Variants in PPRC1 observed in about 807,000 individuals in gnomAD.
PPRC1 encodes the protein peroxisome proliferator-activated receptor gamma coactivator-related protein 1.
In PPRC1, 23 loss-of-function variants were observed where a neutral mutation model predicts 132.5. The ratio of observed to expected loss-of-function variants is 0.17; its 90% CI spans 0.12 to 0.25. The LOEUF is 0.25. Ranked by LOEUF, PPRC1 falls within the 10% of genes least tolerant of loss-of-function variation. The pLI, the probability that PPRC1 is intolerant of heterozygous loss-of-function variation, is 1.00. For missense variants in PPRC1, 2,006 were observed against 2,089.1 expected (o/e 0.96, Z 0.78); for synonymous variants, 872 against 833.5 (o/e 1.05, Z -0.80).
Position 102,140,992 on chromosome 10 carries a change from T to C in PPRC1, c.2484T>C (p.Ser828=). The change falls in exon 5 of 14, where the codon TCT becomes TCC. Residue 828 remains serine (S), a synonymous_variant. Coordinates refer to ENST00000278070, the MANE Select transcript of PPRC1 (RefSeq NM_015062.5). ...TGCCTGTAGGTCCCAGCCCTGCTTC[T>C]CCTAGTCCTGAGCCACCTGTAAGCA... is the stretch of plus-strand genomic sequence containing the variant. ...CLVPVGPSPA[S]PSPEPPVSKP... The C allele has an allele frequency of 6.2e-7, 1 of 1,614,078 alleles. No individual in the cohort carries two copies. Among genetic ancestry groups the C allele is most frequent in the Non-Finnish European group, 8.5e-7 (1 of 1,180,016 alleles).
In PPRC1 at chr10:102,133,234, C is replaced by A. The variant is rs776691743; in HGVS notation, c.153+13C>A. 77 of 1,277,518 alleles carry A rather than the reference C, an allele frequency of 6.0e-5. No homozygotes were observed. The highest frequency in any genetic ancestry group is 7.7e-5 in the Non-Finnish European group (77 of 1,005,614). 79.1% of individuals were successfully genotyped at this position (1,277,518 alleles called of 1,614,324 possible). On this transcript the variant is annotated intron_variant, in intron 1 of 13. Transcript: ENST00000278070. ...CGGCGGCGAGCAGGTGAGAGGTTGG[C>A]TGGCGGCCCGCGACAGGCAGCAAAG...
rs777850442 is a variant in PPRC1 at position 102,140,796 on chromosome 10, G to A, written c.2288G>A (p.Arg763His). 5.6e-6 allele frequency: 9 copies of A among 1,613,712 alleles called. No homozygotes were observed. The highest frequency in any genetic ancestry group is 3.3e-5 in the Admixed American group (2 of 59,994). ...GAGTACCGGCGACGAAGGCAGCAAC[G>A]CCAAGCAGAAACAGAAGAGAGAAGT... ...LSEYRRRRQQ[R>H]QAETEERSPQ... Residue 763 changes from arginine (R) to histidine (H), a missense_variant, in exon 5 of 14, where the codon CGC (arginine) becomes CAC (histidine). Transcript: ENST00000278070.
chr10:102,136,251 AACC>A (rs1390149678), intron 1 of PPRC1, among the ~76,000 whole-genome samples: 4 of 152,062 alleles, frequency 2.6e-5, no homozygotes, highest in Non-Finnish European at 5.9e-5. Context: ...ACGCGTCCTT[AACC>A]AGCCTTTCCT....
the PPRC1 span, chr10:102,120,234 G>A: frequency 1.0e-6 from 1 of 983,280 alleles, no homozygotes. Context: ...GGCCCGGCCC[G>A]GCCTCGGCCC....
chr10:102,148,568 T>A lies in PPRC1; in HGVS notation c.4550+47T>A, dbSNP rs1384306643. 1.2e-6 allele frequency: 2 copies of A among 1,612,708 alleles called. No homozygotes were observed. Among genetic ancestry groups the A allele is most frequent in the East Asian group, 4.5e-5 (2 of 44,884 alleles). On this transcript the variant is annotated intron_variant, in intron 10 of 13. Coordinates refer to ENST00000278070, the MANE Select transcript of PPRC1 (RefSeq NM_015062.5). This position sits in a 1 kb window ranked among gnomAD's most constrained non-coding sequence, Gnocchi z 4.2. ...GCCATGCACCTGGGATGCAGGTGCC[T>A]AAGAGTTGAGTCTTGAATTGTCTTA...
chr10:102,142,948 T>G, intron 5 of PPRC1, 97 bp from the exon 6 acceptor site: 1 of 1,067,942 alleles, frequency 9.4e-7, no homozygotes, highest in Non-Finnish European at 1.4e-6. Flanking sequence ...GCAGGGGGAG[T>G]GGAAAGGGAG....
In PPRC1 at chr10:102,147,374, C is replaced by G. The variant is rs199649208; in HGVS notation, c.4382C>G (p.Pro1461Arg). 7.2e-5 allele frequency: 116 copies of G among 1,605,690 alleles called. 1 individual carries two copies. The Admixed American group carries it at 8.7e-4, about 12-fold the overall frequency. Residue 1461 changes from proline to arginine, a missense_variant, in exon 9 of 14, where the codon CCA (proline) becomes CGA (arginine). By Grantham distance (103) the Pro-to-Arg change is moderately radical. This residue lies in a region of PPRC1 where 1,914 missense variants were observed against 1,917.2 expected (regional missense o/e 1.00). Coordinates refer to ENST00000278070, the MANE Select transcript of PPRC1 (RefSeq NM_015062.5). ...TCTCGGTCCAGGTCCCTCTCCCCCC[C>G]ACACAAGAGGTGGCGAAGGTGAGCT... ...SRSRSRSLSP[P>R]HKRWRRSSCS...
intron 8 of PPRC1, 87 bp from the exon 9 acceptor site, chr10:102,146,585 G>A (rs1388578434): frequency 6.8e-7 from 1 of 1,478,772 alleles, no homozygotes; most frequent in Non-Finnish European, 9.0e-7. Flanking sequence ...GAGATGAGGT[G>A]GGGGTCTCTG....
At chr10:102,134,796 C>CAGAG (rs1464429474) in intron 1 of PPRC1, among the ~76,000 whole-genome samples, 40 of 152,290 alleles carry the variant, frequency 2.6e-4, no homozygotes, top group African/African-American at 9.1e-4. Context: ...GGTGTCCAGT[C>CAGAG]AGAGACACAC....
Position 102,141,767 on chromosome 10 carries a change from G to C in PPRC1, c.3259G>C (p.Ala1087Pro), listed in dbSNP as rs1488402580. Residue 1087 changes from alanine to proline, a missense_variant, in exon 5 of 14, where the codon GCT becomes CCT. Physicochemically the swap from Ala to Pro is conservative, Grantham distance 27 (BLOSUM62 -1). Around this residue, in one of 2 missense-constraint regions of PPRC1, gnomAD observed 1,914 missense variants for 1,917.2 expected, o/e 1.00. Coordinates refer to ENST00000278070, the MANE Select transcript of PPRC1 (RefSeq NM_015062.5). ...PQMKALACVS[A>P]EGVTVEEPAS... The stretch of plus-strand genomic sequence containing the variant: ...GATGAAGGCTCTAGCATGTGTGTCT[G>C]CTGAAGGTGTGACTGTTGAGGAGCC... The C allele has an allele frequency of 2.5e-6, 4 of 1,613,722 alleles. No individual in the cohort carries two copies. Among genetic ancestry groups the C allele is most frequent in the East Asian group, 4.5e-5 (2 of 44,880 alleles).
chr10:102,133,245 C>A, intron 1 of PPRC1, 24 bp downstream of exon 1: 2 of 1,270,138 alleles, frequency 1.6e-6, no homozygotes, highest in Admixed American at 3.7e-5. Flanking sequence ...TGGCGGCCCG[C>A]GACAGGCAGC....
rs1445438214 is a variant in PPRC1, at chr10:102,139,746, G to A, written c.1238G>A (p.Gly413Glu). 1.2e-6 allele frequency: 2 copies of A among 1,614,144 alleles called. No homozygotes were observed. Among genetic ancestry groups the A allele is most frequent in the South Asian group, 1.1e-5 (1 of 91,082 alleles). The change falls in exon 5 of 14, where the codon GGG becomes GAG. Residue 413 changes from glycine (G) to glutamate (E), a missense_variant. Transcript: ENST00000278070. ...PKVTLCSEKE[G>E]LSLNSEEKLD... is the part of the protein sequence containing the mutation. ...GTAACCCTCTGCTCTGAGAAAGAGGGGTTGTCATTGAACTCAGAGGAGAAG... is the reference window on the plus strand; with the variant it reads ...GTAACCCTCTGCTCTGAGAAAGAGGAGTTGTCATTGAACTCAGAGGAGAAG...
Position 102,146,676 on chromosome 10 carries a change from C to T in PPRC1, c.3684C>T (p.Leu1228=), listed in dbSNP as rs953921218. Residue 1228 remains leucine (L), a synonymous_variant, in exon 9 of 14, where the codon CTC becomes CTT. Coordinates refer to ENST00000278070, the MANE Select transcript of PPRC1 (RefSeq NM_015062.5). Reference sequence around the variant, plus strand: ...CATCCTCCCTCCCCACCACAGGGCTCACCCCTCCAGCTACCCCTCCCCACC... The same window carrying T: ...CATCCTCCCTCCCCACCACAGGGCTTACCCCTCCAGCTACCCCTCCCCACC... ...QAPELANVAG[L]TPPATPPHQL... The T allele has an allele frequency of 6.2e-7, 1 of 1,608,184 alleles. No individual in the cohort carries two copies. Among genetic ancestry groups the T allele is most frequent in the Admixed American group, 1.7e-5 (1 of 59,700 alleles).
At chr10:102,121,131 G>A in the PPRC1 span, among the ~76,000 whole-genome samples, 11 of 152,284 alleles carry the variant, frequency 7.2e-5, no homozygotes, top group East Asian at 2.1e-3. Flanking sequence ...CTTGGGATCT[G>A]TGTTTTGCTG....
chr10:102,131,681 G>T (rs1276779657), upstream of PPRC1, among the ~76,000 whole-genome samples: 1 of 152,166 alleles, frequency 6.6e-6, no homozygotes, highest in Non-Finnish European at 1.5e-5. Flanking sequence ...TTTTTGAGAA[G>T]AAGTCTCACT....
At chr10:102,142,402 T>G (rs1590342974) in intron 5 of PPRC1, among the ~76,000 whole-genome samples, 2 of 12,146 alleles carry the variant, frequency 1.6e-4, no homozygotes, top group African/African-American at 1.3e-3. Flanking sequence ...CACCATGCCT[T>G]TTTTTTTTTT....
chr10:102,120,047 T>C, the PPRC1 span: 1 of 1,410,990 alleles, frequency 7.1e-7, no homozygotes, highest in Non-Finnish European at 9.4e-7. Flanking sequence ...CAGGGACGGC[T>C]GGGCAGGAAG....
At chr10:102,147,738 C>G (rs2069327309) in intron 9 of PPRC1, among the ~76,000 whole-genome samples, 1 of 152,140 alleles carries the variant, frequency 6.6e-6, no homozygotes, top group African/African-American at 2.4e-5. Context: ...TAGTGGGTTA[C>G]TTGTTAATAG....
Position 102,150,111 on chromosome 10 carries a change from G to C in PPRC1, c.*82G>C. ...CCCCCTTCCCCTACTCTAGGGGAGAGAGCTGCTAGTGAGATGACTGTTTTA... is the reference window on the plus strand; with the variant it reads ...CCCCCTTCCCCTACTCTAGGGGAGACAGCTGCTAGTGAGATGACTGTTTTA... On this transcript the variant is annotated 3_prime_UTR_variant, in exon 14 of 14. Transcript: ENST00000278070. The C allele has an allele frequency of 1.0e-6, 1 of 969,430 alleles. No homozygotes were observed. The highest frequency in any genetic ancestry group is 1.6e-6 in the Non-Finnish European group (1 of 615,498). 60.1% of individuals were successfully genotyped at this position (969,430 alleles called of 1,614,324 possible).
Sources: gnomAD v4.1 joint callset for allele counts (sites outside exome capture counted in the v4.1 genomes callset) on GRCh38, gnomAD v4.1.1 for gene constraint, gnomAD v4.1.1 regional missense constraint, Gnocchi (gnomAD v3.1) non-coding constraint, MANE v1.5 for transcripts, NCBI Gene and HGNC (gene_info 2026-07-23, HGNC 2026-07-21) for gene names.